IL17RE: variants seen among roughly 807,000 people sequenced by gnomAD.
IL17RE encodes interleukin-17 receptor E.
In IL17RE, 47 loss-of-function variants were observed where a neutral mutation model predicts 70.7. The observed-to-expected ratio is 0.67, with a 90% CI of 0.53 to 0.85. The LOEUF is 0.85. Ranked by LOEUF, IL17RE falls within the 40% of genes least tolerant of loss-of-function variation. IL17RE has a pLI of 0.00. For missense variants in IL17RE, 850 were observed against 893.9 expected (o/e 0.95, Z 0.63); for synonymous variants, 372 against 381.2 (o/e 0.98, Z 0.28).
In IL17RE at chr3:9,914,712, C is replaced by T; in HGVS notation, c.1382C>T (p.Ala461Val). 6.2e-7 allele frequency: 1 copy of T among 1,614,136 alleles called. No homozygotes were observed. The highest frequency in any genetic ancestry group is 8.5e-7 in the Non-Finnish European group (1 of 1,180,010). The change falls in exon 15 of 16, where the codon GCA becomes GTA. Residue 461 changes from alanine to valine, a missense_variant. Coordinates refer to ENST00000383814, the MANE Select transcript of IL17RE (RefSeq NM_153480.2). ...AGACACCTGGGGCTCTTGATCCTGGCACTGCTGGCCCTCCTCACCCTACTG... is the reference window on the plus strand; with the variant it reads ...AGACACCTGGGGCTCTTGATCCTGGTACTGCTGGCCCTCCTCACCCTACTG... Reference protein sequence around the residue: ...SYRHLGLLILALLALLTLLGV... With the variant: ...SYRHLGLLILVLLALLTLLGV...
rs564032418 is a variant in IL17RE at position 9,913,410 on chromosome 3, T to A, written c.1228-546T>A. ...CGGAGCAAGACTCTGTCTCAAAAAA[T>A]AAATAAATAAATAAATAAATAAATA... is the stretch of plus-strand genomic sequence containing the variant. On this transcript the variant is annotated intron_variant, in intron 12 of 15. Coordinates refer to ENST00000383814, the MANE Select transcript of IL17RE (RefSeq NM_153480.2). 4.8e-4 allele frequency among the ~76,000 whole-genome samples: 70 copies of A among 147,236 alleles called. No individual in the cohort carries two copies. The South Asian group carries it at 0.012, about 26-fold the overall frequency.
intron 6 of IL17RE, among the ~76,000 whole-genome samples, 165 bp from the exon 7 acceptor site, chr3:9,908,074 T>A (rs1395546212): frequency 6.6e-6 from 1 of 152,118 alleles, no homozygotes; most frequent in Non-Finnish European, 1.5e-5. Flanking sequence ...AATGATTAGA[T>A]TACTAAGCAG....
At position 9,914,781 on chromosome 3, in the gene IL17RE, A is replaced by C; in HGVS notation, c.1447+4A>C. 1.2e-6 allele frequency: 2 copies of C among 1,612,980 alleles called. No individual in the cohort carries two copies. The highest frequency in any genetic ancestry group is 1.7e-6 in the Non-Finnish European group (2 of 1,179,624). ...ACCTGCCGGCGCCCACAGTCAGGTAAGCTCACCTGGGGTAACCTGGGAAGT... is the reference window on the plus strand; with the variant it reads ...ACCTGCCGGCGCCCACAGTCAGGTACGCTCACCTGGGGTAACCTGGGAAGT... On this transcript the variant is annotated splice_donor_region_variant and intron_variant, in intron 15 of 15. Coordinates refer to ENST00000383814, the MANE Select transcript of IL17RE (RefSeq NM_153480.2).
chr3:9,915,814 C>T lies in IL17RE; in HGVS notation c.*7C>T. On this transcript the variant is annotated 3_prime_UTR_variant, in exon 16 of 16. Transcript: ENST00000383814. The surrounding 1 kb of genome is among the most constrained non-coding windows in gnomAD (Gnocchi z 4.9). ...ACTTGCAGACCTAGGTTGAGCAGAGCTCCACCGCAGTCCCGGGTGTCTGCG... is the reference window on the plus strand; with the variant it reads ...ACTTGCAGACCTAGGTTGAGCAGAGTTCCACCGCAGTCCCGGGTGTCTGCG... The T allele has an allele frequency of 6.6e-7, 1 of 1,515,946 alleles. No individual in the cohort carries two copies. Among genetic ancestry groups the T allele is most frequent in the Admixed American group, 2.1e-5 (1 of 46,992 alleles). 93.9% of individuals were successfully genotyped at this position (1,515,946 alleles called of 1,614,324 possible).
Position 9,908,235 on chromosome 3 carries a change from A to G in IL17RE, c.667-4A>G. On this transcript the variant is annotated splice_polypyrimidine_tract_variant and splice_region_variant and intron_variant, in intron 6 of 15. Transcript: ENST00000383814. ...TTTGTCTTCCTTTGCTGTTTCATCC[A>G]CAGAAAATTGTGTCTGGGGGCCACA... The G allele has an allele frequency of 6.2e-7, 1 of 1,613,822 alleles. No individual in the cohort carries two copies. Among genetic ancestry groups the G allele is most frequent in the Middle Eastern group, 1.7e-4 (1 of 6,060 alleles).
intron 8 of IL17RE, chr3:9,910,539 C>A: frequency 3.4e-6 from 1 of 296,636 alleles, no homozygotes; most frequent in South Asian, 3.8e-5. Context: ...ACTAAAAATA[C>A]AAAAATTAGC....
At position 9,909,232 on chromosome 3, in the gene IL17RE, G is replaced by A; in HGVS notation, c.751G>A (p.Glu251Lys). 6.2e-7 allele frequency: 1 copy of A among 1,614,000 alleles called. No homozygotes were observed. ...CLCIEASYLQ[E>K]DTVRRKKCPF... The stretch of plus-strand genomic sequence containing the variant: ...GTCTCTCCAGGCATCCTACCTGCAA[G>A]AGGACACTGTGAGGCGCAAAAAATG... Residue 251 changes from glutamate to lysine, a missense_variant, in exon 8 of 16, where the codon GAG (glutamate) becomes AAG (lysine). Coordinates refer to ENST00000383814, the MANE Select transcript of IL17RE (RefSeq NM_153480.2).
intron 3 of IL17RE, among the ~76,000 whole-genome samples, chr3:9,904,858 C>T (rs2082715745): frequency 6.6e-6 from 1 of 152,018 alleles, no homozygotes; most frequent in South Asian, 2.1e-4. Flanking sequence ...CTCTGGGAGG[C>T]CAAGGTGGGT....
At chr3:9,909,373 A>T in intron 8 of IL17RE, 90 bp downstream of exon 8, 3 of 1,069,158 alleles carry the variant, frequency 2.8e-6, no homozygotes, top group Non-Finnish European at 4.2e-6. Context: ...ACACACACAC[A>T]CCCCGCACTT....
At position 9,916,085 on chromosome 3, in the gene IL17RE, C is replaced by A; in HGVS notation, c.*278C>A. 2.5e-6 allele frequency: 1 copy of A among 397,198 alleles called. No individual in the cohort carries two copies. The highest frequency in any genetic ancestry group is 4.3e-6 in the Non-Finnish European group (1 of 233,280). The allele number at this position is 397,198 out of a possible 1,614,324, so 24.6% of individuals were successfully genotyped here. A position where few individuals can be genotyped will look rare whatever the true frequency, so the allele number is the denominator to read the frequency against. On this transcript the variant is annotated 3_prime_UTR_variant, in exon 16 of 16. Coordinates refer to ENST00000383814, the MANE Select transcript of IL17RE (RefSeq NM_153480.2). ...TTCCTCTCCAGAACTCCAGAAAGAG[C>A]AGTGTGCTTATGCTTCAGTCCAGGC...
At chr3:9,902,529 G>C (rs1011984500), upstream of IL17RE, 3 of 1,125,350 alleles carry the variant, frequency 2.7e-6, no homozygotes, top group African/African-American at 4.6e-5. Context: ...GGGGTGAAGC[G>C]CATGTCTATG....
intron 8 of IL17RE, chr3:9,910,385 CAGAA>C (rs2082863599): frequency 6.6e-6 from 1 of 152,190 alleles, no homozygotes; most frequent in Admixed American, 6.4e-5. Flanking sequence ...AAACAAAAAA[CAGAA>C]AGGTAATGAA....
At chr3:9,908,341 C>T (rs974940279) in intron 7 of IL17RE, 34 bp downstream of exon 7, 5 of 1,586,498 alleles carry the variant, frequency 3.2e-6, no homozygotes, top group Admixed American at 1.7e-5. Flanking sequence ...CTGTCCATGG[C>T]TCTGCTCCTA....
At chr3:9,908,420 C>T in intron 7 of IL17RE, 113 bp downstream of exon 7, 1 of 881,912 alleles carries the variant, frequency 1.1e-6, no homozygotes, top group South Asian at 1.5e-5. Flanking sequence ...CTGAGTGTTA[C>T]TGGCATGCTT....
rs1450374446 is a variant in IL17RE, at chr3:9,915,366, C to T, written c.1563C>T (p.Asp521=). The T allele has an allele frequency of 1.5e-6, 2 of 1,366,176 alleles. No homozygotes were observed. Among genetic ancestry groups the T allele is most frequent in the African/African-American group, 3.0e-5 (2 of 65,620 alleles). 84.6% of individuals were successfully genotyped at this position (1,366,176 alleles called of 1,614,324 possible). Residue 521 remains aspartate (D), a synonymous_variant, in exon 16 of 16, where the codon GAC becomes GAT. Coordinates refer to ENST00000383814, the MANE Select transcript of IL17RE (RefSeq NM_153480.2). The surrounding 1 kb of genome is among the most constrained non-coding windows in gnomAD (Gnocchi z 4.9). The part of the protein sequence containing the change: ...LLRAALGGGR[D]VIVDLWEGRH... ...GGGCAGCGCTGGGCGGCGGGCGCGA[C>T]GTGATCGTGGACCTGTGGGAGGGGA...
rs1286423855 is a variant in IL17RE at position 9,907,000 on chromosome 3, C to T, written c.566C>T (p.Ala189Val). 3.1e-6 allele frequency: 5 copies of T among 1,614,056 alleles called. No individual in the cohort carries two copies. In the African/African-American group the frequency reaches 6.7e-5, roughly 22 times the overall value. Reference sequence around the variant, plus strand: ...TTTGATTTGCTGCCTGAGGCCCGGGCTATTCGGGTGACCATATCTTCAGGC... The same window carrying T: ...TTTGATTTGCTGCCTGAGGCCCGGGTTATTCGGGTGACCATATCTTCAGGC... ...FSFDLLPEAR[A>V]IRVTISSGPE... Residue 189 changes from alanine to valine, a missense_variant, in exon 6 of 16, where the codon GCT becomes GTT. Physicochemically the swap from Ala to Val is moderately conservative, Grantham distance 64. Coordinates refer to ENST00000383814, the MANE Select transcript of IL17RE (RefSeq NM_153480.2).
chr3:9,911,232 T>C (rs2125087766), intron 10 of IL17RE, 23 bp from the exon 11 acceptor site: 1 of 1,614,212 alleles, frequency 6.2e-7, no homozygotes, highest in East Asian at 2.2e-5. Context: ...AGCTTGCTAA[T>C]CTGCCATTCC....
rs2082697056 is a variant in IL17RE, at chr3:9,904,078, C to T, written c.195C>T (p.Ser65=). 7 of 1,614,074 alleles carry T rather than the reference C, an allele frequency of 4.3e-6. No homozygotes were observed. The Admixed American group carries it at 6.7e-5, about 15-fold the overall frequency. The change falls in exon 3 of 16, where the codon TCC becomes TCT. Residue 65 remains serine (S), a synonymous_variant. Coordinates refer to ENST00000383814, the MANE Select transcript of IL17RE (RefSeq NM_153480.2). ...GCCGCACCTGGTGGGCCCTCTTCTC[C>T]ACAAAGCCTTGGTGTGTGCGAGTCT... ...IPCRTWWALF[S]TKPWCVRVWH... is the part of the protein sequence containing the mutation.
Position 9,913,406 on chromosome 3 carries a change from AAAAT to A in IL17RE, c.1228-522_1228-519del, listed in dbSNP as rs58140458. ...ACGACGGAGCAAGACTCTGTCTCAA[AAAAT>A]AAATAAATAAATAAATAAATAAATA... On this transcript the variant is annotated intron_variant, in intron 12 of 15. Coordinates refer to ENST00000383814, the MANE Select transcript of IL17RE (RefSeq NM_153480.2). Among the ~76,000 whole-genome samples, 1,426 of 151,304 alleles carry A rather than the reference AAAAT, an allele frequency of 9.4e-3. 11 individuals carry two copies. Among genetic ancestry groups the A allele is most frequent in the African/African-American group, 0.022 (913 of 41,050 alleles).
Sources: allele counts gnomAD v4.1 joint callset (sites outside exome capture counted in the v4.1 genomes callset), GRCh38; gene constraint gnomAD v4.1.1; non-coding constraint Gnocchi (gnomAD v3.1); transcripts MANE v1.5; gene names NCBI Gene and HGNC (gene_info 2026-07-23, HGNC 2026-07-21).